CES2: variants seen among roughly 807,000 people sequenced by gnomAD.
CES2 encodes the protein cocaine esterase.
A neutral mutation model predicts 52.1 loss-of-function variants in CES2; 42 were observed. The observed-to-expected ratio is 0.81, with a 90% CI of 0.63 to 1.04. The LOEUF (loss-of-function observed/expected upper bound fraction) is 1.04. Among genes scored for constraint, CES2 ranks in the 50% least tolerant of loss-of-function variants. The pLI is 0.00. For synonymous variants in CES2, 277 were observed against 289.6 expected, an observed-to-expected ratio of 0.96 and a Z score of 0.44; for missense variants, 656 against 724.3, an observed-to-expected ratio of 0.91 and a Z score of 1.08.
chr16:66,942,405 A>C, intron 9 of CES2, 156 bp downstream of exon 9: 1 of 891,930 alleles, frequency 1.1e-6, no homozygotes. Flanking sequence ...GGCTAGCCCA[A>C]GAATCCGACA....
chr16:66,937,416 C>T (rs1597004727), intron 1 of CES2, among the ~76,000 whole-genome samples: 1 of 152,174 alleles, frequency 6.6e-6, no homozygotes. Flanking sequence ...CCTTGATTTT[C>T]ATCTAAACAG....
In CES2 at chr16:66,941,556, C is replaced by T; in HGVS notation, c.966C>T (p.His322=). Reference sequence around the variant, plus strand: ...TGGATGGGGTCTTCCTGCCCAGGCACCCCCAGGAGCTGCTGGCCTCTGCCG... The same window carrying T: ...TGGATGGGGTCTTCCTGCCCAGGCATCCCCAGGAGCTGCTGGCCTCTGCCG... ...GVVDGVFLPR[H]PQELLASADF... is the part of the protein sequence containing the mutation. Residue 322 remains histidine, a synonymous_variant, in exon 7 of 12, where the codon CAC becomes CAT. Coordinates refer to ENST00000317091, the MANE Select transcript of CES2 (RefSeq NM_001365405.1). 1.2e-6 allele frequency: 2 copies of T among 1,614,094 alleles called. No individual in the cohort carries two copies. The highest frequency in any genetic ancestry group is 1.3e-5 in the African/African-American group (1 of 75,024).
chr16:66,939,361 G>C lies in CES2; in HGVS notation c.423+3G>C. ...GCCATGAAGGCTCTAACCTGCCGGT[G>C]GGTGTCAGGCCACAGTTCACTGGGG... On this transcript the variant is annotated splice_donor_region_variant and intron_variant, in intron 3 of 11. Transcript: ENST00000317091. 5 of 1,614,006 alleles carry C rather than the reference G, an allele frequency of 3.1e-6. No individual in the cohort carries two copies. Among genetic ancestry groups the C allele is most frequent in the Non-Finnish European group, 4.2e-6 (5 of 1,179,976 alleles).
intron 9 of CES2, 151 bp downstream of exon 9, chr16:66,942,400 G>T (rs973404166): frequency 6.5e-6 from 6 of 926,536 alleles, no homozygotes; most frequent in Non-Finnish European, 9.6e-6. Flanking sequence ...CTCATGGCTA[G>T]CCCAAGAATC....
rs1262804297 is a variant in CES2, at chr16:66,943,446, G to A, written c.1493+75G>A. ...CCATCCAGTGCTCTCCTAGTCTGGG[G>A]TGACCTCATGAGCACACCCGCATCC... On this transcript the variant is annotated intron_variant, in intron 11 of 11. Transcript: ENST00000317091. This position sits in a 1 kb window ranked among gnomAD's most constrained non-coding sequence, Gnocchi z 4.2. The A allele has an allele frequency of 6.7e-6, 10 of 1,501,854 alleles. No homozygotes were observed. Among genetic ancestry groups the A allele is most frequent in the Non-Finnish European group, 9.2e-6 (10 of 1,081,494 alleles). The allele number at this position is 1,501,854 out of a possible 1,614,324, so 93.0% of individuals were successfully genotyped here. A position where few individuals can be genotyped will look rare whatever the true frequency, so the allele number is the denominator to read the frequency against.
intron 1 of CES2, 132 bp from the exon 2 acceptor site, chr16:66,937,905 T>C (rs1315388880): frequency 1.4e-6 from 1 of 736,412 alleles, no homozygotes; most frequent in East Asian, 2.7e-5. Flanking sequence ...GGCAGGAAGT[T>C]TGTAAAGCCC....
intron 10 of CES2, 23 bp downstream of exon 10, chr16:66,942,808 G>C (rs762451361): frequency 6.2e-7 from 1 of 1,614,006 alleles, no homozygotes; most frequent in South Asian, 1.1e-5. Flanking sequence ...CCTTTCCCGG[G>C]AGGTGGGCTG....
At position 66,944,135 on chromosome 16, in the gene CES2, C is replaced by A; in HGVS notation, c.*110C>A. 1 of 537,348 alleles carries A rather than the reference C, an allele frequency of 1.9e-6. No homozygotes were observed. The highest frequency in any genetic ancestry group is 3.2e-6 in the Non-Finnish European group (1 of 312,500). 33.3% of individuals were successfully genotyped at this position (537,348 alleles called of 1,614,324 possible). On this transcript the variant is annotated 3_prime_UTR_variant, in exon 12 of 12. Coordinates refer to ENST00000317091, the MANE Select transcript of CES2 (RefSeq NM_001365405.1). ...GAAGTTGATTCCTTCATTCACTTCG[C>A]CATTCATTCATACTTCCGTCCATCC...
At chr16:66,940,759 G>C (rs1963344131) in intron 5 of CES2, 64 bp downstream of exon 5, 1 of 1,565,944 alleles carries the variant, frequency 6.4e-7, no homozygotes, top group Non-Finnish European at 8.7e-7. Flanking sequence ...CAGAGCCTCT[G>C]TCTGTTAAAC....
chr16:66,936,068 C>T (rs532806533), intron 1 of CES2: 77 of 1,145,762 alleles, frequency 6.7e-5, no homozygotes, highest in Non-Finnish European at 7.9e-5. Context: ...CGGGTGCTGC[C>T]GGCCGGTAAT....
At chr16:66,937,663 C>T (rs1388808490) in intron 1 of CES2, among the ~76,000 whole-genome samples, 1 of 152,180 alleles carries the variant, frequency 6.6e-6, no homozygotes, top group Non-Finnish European at 1.5e-5. Flanking sequence ...TGATTTCTTG[C>T]CACTTTGGAC....
chr16:66,942,312 G>A, intron 9 of CES2, 63 bp downstream of exon 9: 4 of 1,519,316 alleles, frequency 2.6e-6, no homozygotes, highest in Non-Finnish European at 3.6e-6. Context: ...GGTCCCAGGT[G>A]AGACCTGCTG....
chr16:66,942,032 C>T (rs917540106), intron 8 of CES2, 73 bp from the exon 9 acceptor site: 45 of 1,553,254 alleles, frequency 2.9e-5, no homozygotes, highest in Non-Finnish European at 3.9e-5. Context: ...GTGCCATCCC[C>T]AAGCCCGAGA....
rs553290510 is a variant in CES2 at position 66,936,304 on chromosome 16, C to T, written c.76+593C>T. ...TTTAGAAGGCCAAGGGAGAGTATCG[C>T]TTGTGCCCAGGAGTTGGAGGCCAGC... On this transcript the variant is annotated intron_variant, in intron 1 of 11. Transcript: ENST00000317091. 1.4e-3 allele frequency among the ~76,000 whole-genome samples: 213 copies of T among 152,268 alleles called. 5 individuals are homozygous for T. The South Asian group carries it at 0.042, about 30-fold the overall frequency.
chr16:66,943,519 G>T lies in CES2; in HGVS notation c.1493+148G>T, dbSNP rs1018914137. Reference sequence around the variant, plus strand: ...CCCAGCTCCGGGACCCACTCAGACAGGGTGGGGGTGCGTGGGGCAGTGGAC... The same window carrying T: ...CCCAGCTCCGGGACCCACTCAGACATGGTGGGGGTGCGTGGGGCAGTGGAC... On this transcript the variant is annotated intron_variant, in intron 11 of 11. Coordinates refer to ENST00000317091, the MANE Select transcript of CES2 (RefSeq NM_001365405.1). The surrounding 1 kb of genome is among the most constrained non-coding windows in gnomAD (Gnocchi z 4.2). 71 of 805,290 alleles carry T rather than the reference G, an allele frequency of 8.8e-5. 1 individual carries two copies. The highest frequency in any genetic ancestry group is 6.6e-4 in the South Asian group (40 of 60,382). The allele number at this position is 805,290 out of a possible 1,614,324, so 49.9% of individuals were successfully genotyped here.
In CES2 at chr16:66,943,799, G is replaced by C. The variant is rs750250777; in HGVS notation, c.1494-40G>C. 13 of 1,523,560 alleles carry C rather than the reference G, an allele frequency of 8.5e-6. No homozygotes were observed. The highest frequency in any genetic ancestry group is 1.9e-5 in the Admixed American group (1 of 53,444). The allele number at this position is 1,523,560 out of a possible 1,614,324, so 94.4% of individuals were successfully genotyped here. On this transcript the variant is annotated intron_variant, in intron 11 of 11. Transcript: ENST00000317091. The surrounding 1 kb of genome is among the most constrained non-coding windows in gnomAD (Gnocchi z 4.2). The stretch of plus-strand genomic sequence containing the variant: ...CAGGTCTGGGCTTCGGGGGCCCAGA[G>C]TGACCCTCATACTGCCCTGCTGGGA...
Position 66,940,668 on chromosome 16 carries a change from T to G in CES2, c.789T>G (p.Ile263Met), listed in dbSNP as rs759103977. 1.9e-6 allele frequency: 3 copies of G among 1,614,064 alleles called. No individual in the cohort carries two copies. The highest frequency in any genetic ancestry group is 2.5e-6 in the Non-Finnish European group (3 of 1,180,034). Residue 263 changes from isoleucine to methionine, a missense_variant, in exon 5 of 12, where the codon ATT becomes ATG. By Grantham distance (10) the Ile-to-Met change is conservative. Coordinates refer to ENST00000317091, the MANE Select transcript of CES2 (RefSeq NM_001365405.1). ...GCGTGGCCCTCCTGCCCGGCCTCAT[T>G]GCCAGCTCAGCTGATGTCATCTCCA... ...ESGVALLPGL[I>M]ASSADVISTV...
At position 66,938,317 on chromosome 16, in the gene CES2, C is replaced by T. The variant is rs1963267931; in HGVS notation, c.281+76C>T. ...GGGTGCTCTGAGCTCAGCTAGGCTG[C>T]AGTTATCATTTCATCTAAACCCCCA... On this transcript the variant is annotated intron_variant, in intron 2 of 11. Coordinates refer to ENST00000317091, the MANE Select transcript of CES2 (RefSeq NM_001365405.1). The T allele has an allele frequency of 2.9e-6, 3 of 1,033,726 alleles. No homozygotes were observed. The Admixed American group carries it at 5.7e-5, about 19-fold the overall frequency. The allele number at this position is 1,033,726 out of a possible 1,614,324, so 64.0% of individuals were successfully genotyped here.
Position 66,938,025 on chromosome 16 carries a change from C to T in CES2, c.77-12C>T. ...TCAAACCCAACCGTGATGTCTGTCT[C>T]TCTGCCCACAGGCCAGGACTCAGCC... On this transcript the variant is annotated splice_polypyrimidine_tract_variant and intron_variant, in intron 1 of 11. Coordinates refer to ENST00000317091, the MANE Select transcript of CES2 (RefSeq NM_001365405.1). 6.2e-7 allele frequency: 1 copy of T among 1,611,244 alleles called. No homozygotes were observed. Among genetic ancestry groups the T allele is most frequent in the South Asian group, 1.1e-5 (1 of 91,046 alleles).
Sources: allele counts gnomAD v4.1 joint callset (sites outside exome capture counted in the v4.1 genomes callset), GRCh38; gene constraint gnomAD v4.1.1; non-coding constraint Gnocchi (gnomAD v3.1); transcripts MANE v1.5; gene names NCBI Gene and HGNC (gene_info 2026-07-23, HGNC 2026-07-21).